The following ASH1L variants were observed in gnomAD, a reference collection of about 807,000 sequenced individuals.
The protein encoded by ASH1L is histone-lysine N-methyltransferase ASH1L.
A neutral mutation model predicts 269.0 loss-of-function variants in ASH1L; 23 were observed. The ratio of observed to expected loss-of-function variants is 0.09; its 90% confidence interval spans 0.06 to 0.12. The LOEUF (loss-of-function observed/expected upper bound fraction) is 0.12. Ranked by LOEUF, ASH1L falls within the 10% of genes least tolerant of loss-of-function variation. The pLI, the probability that ASH1L is intolerant of heterozygous loss-of-function variation, is 1.00. For missense variants in ASH1L, 2,912 were observed against 3,567.8 expected (o/e 0.82, Z 4.68); for synonymous variants, 1,187 against 1,253.5 (o/e 0.95, Z 1.12).
intron 24 of ASH1L, among the ~76,000 whole-genome samples, chr1:155,342,694 A>T (rs971504960): frequency 1.3e-5 from 2 of 152,144 alleles, no homozygotes; most frequent in Non-Finnish European, 2.9e-5. Context: ...TCTTTTAAGA[A>T]CTCTTTAAAA....
At chr1:155,559,849 C>T (rs1671840098) in intron 1 of ASH1L, among the ~76,000 whole-genome samples, 1 of 152,100 alleles carries the variant, frequency 6.6e-6, no homozygotes, top group Admixed American at 6.6e-5. Flanking sequence ...AACTCCAAGA[C>T]AGGAGCTTCA....
intron 2 of ASH1L, among the ~76,000 whole-genome samples, chr1:155,517,103 T>C (rs1668545053): frequency 6.6e-6 from 1 of 152,186 alleles, no homozygotes; most frequent in African/African-American, 2.4e-5. Context: ...AACCCCATCC[T>C]AAAATCCATA....
intron 20 of ASH1L, 45 bp downstream of exon 20, chr1:155,347,611 C>T (rs149185777): frequency 1.2e-5 from 19 of 1,606,828 alleles, no homozygotes; most frequent in African/African-American, 2.7e-5. Flanking sequence ...ATATGGTCAC[C>T]GTGTTCATCA....
At chr1:155,373,211 TAAAAAAAAAAC>T (rs1308538813) in intron 10 of ASH1L, among the ~76,000 whole-genome samples, 158 of 112,704 alleles carry the variant, frequency 1.4e-3, no homozygotes, top group African/African-American at 4.4e-3. Flanking sequence ...AGGCTCTGTC[TAAAAAAAAAAC>T]AAAAAAAAAA....
Position 155,478,933 on chromosome 1 carries a change from G to C in ASH1L, c.3937C>G (p.Arg1313Gly), listed in dbSNP as rs757577741. ...CGAAAGATAGTTGGCAGAAGATCTCGGGGGATAAAATGATGACTTCGATGA... is the reference window on the plus strand; with the variant it reads ...CGAAAGATAGTTGGCAGAAGATCTCCGGGGATAAAATGATGACTTCGATGA... ...ITHRSHHFIP[R>G]DLLPTIFRIN... Residue 1313 changes from arginine (R) to glycine (G), a missense_variant, in exon 3 of 28, where the codon CGA becomes GGA. Coordinates refer to ENST00000392403, the MANE Select transcript of ASH1L (RefSeq NM_018489.3). The surrounding 1 kb of genome is among the most constrained non-coding windows in gnomAD (Gnocchi z 4.6). 1.2e-6 allele frequency: 2 copies of C among 1,613,902 alleles called. No individual in the cohort carries two copies. The highest frequency in any genetic ancestry group is 1.7e-6 in the Non-Finnish European group (2 of 1,179,998).
chr1:155,471,187 A>ACAATTAAC (rs1430136236), intron 3 of ASH1L, among the ~76,000 whole-genome samples: 3 of 152,228 alleles, frequency 2.0e-5, no homozygotes, highest in Non-Finnish European at 4.4e-5. Context: ...AAGATAGAGA[A>ACAATTAAC]CAATTAACAA....
intron 2 of ASH1L, among the ~76,000 whole-genome samples, chr1:155,505,933 C>T (rs1319002772): frequency 6.6e-6 from 1 of 152,132 alleles, no homozygotes; most frequent in African/African-American, 2.4e-5. Context: ...TGGTGTGCTG[C>T]ACCCATTAAC....
At chr1:155,387,510 G>A (rs766235615) in intron 7 of ASH1L, among the ~76,000 whole-genome samples, 1 of 152,144 alleles carries the variant, frequency 6.6e-6, no homozygotes, top group Non-Finnish European at 1.5e-5. Context: ...TCTTGTATCA[G>A]TACCATGCTG....
At position 155,357,613 on chromosome 1, in the gene ASH1L, C is replaced by T. The variant is rs771856597; in HGVS notation, c.6932G>A (p.Arg2311Lys). 5 of 1,613,992 alleles carry T rather than the reference C, an allele frequency of 3.1e-6. No individual in the cohort carries two copies. The highest frequency in any genetic ancestry group is 4.2e-6 in the Non-Finnish European group (5 of 1,180,018). The change falls in exon 14 of 28, where the codon AGA becomes AAA. Residue 2311 changes from arginine to lysine, a missense_variant. By Grantham distance (26) the Arg-to-Lys change is conservative. Coordinates refer to ENST00000392403, the MANE Select transcript of ASH1L (RefSeq NM_018489.3). ...HKKSGRSKEK[R>K]KSKHKLKKRR... ...TTTCTTCAGCTTGTGCTTAGACTTTCTCTTCTCTTTTGACCGTCCAGATTT... is the reference window on the plus strand; with the variant it reads ...TTTCTTCAGCTTGTGCTTAGACTTTTTCTTCTCTTTTGACCGTCCAGATTT...
intron 17 of ASH1L, among the ~76,000 whole-genome samples, chr1:155,352,035 C>T (rs1381160717): frequency 6.6e-6 from 1 of 151,472 alleles, no homozygotes; most frequent in Non-Finnish European, 1.5e-5. Flanking sequence ...GGTGAGGGGC[C>T]ACTTCTCATT....
chr1:155,425,940 G>A (rs986620129), intron 5 of ASH1L, among the ~76,000 whole-genome samples: 15 of 150,896 alleles, frequency 9.9e-5, no homozygotes, highest in African/African-American at 3.6e-4. Flanking sequence ...CCAGGCTGCA[G>A]TGCAGTGGCG....
In ASH1L at chr1:155,415,984, G is replaced by A. The variant is rs969588288; in HGVS notation, c.5829-61C>T. 2.6e-5 allele frequency: 34 copies of A among 1,285,966 alleles called. No homozygotes were observed. The Admixed American group carries it at 4.0e-4, about 15-fold the overall frequency. 79.7% of individuals were successfully genotyped at this position (1,285,966 alleles called of 1,614,324 possible). The stretch of plus-strand genomic sequence containing the variant: ...AAAAAAAGTTTTCCTACAAATAATT[G>A]TCTACTTAAAAAAAAAAAACCATAG... On this transcript the variant is annotated intron_variant, in intron 5 of 27. Coordinates refer to ENST00000392403, the MANE Select transcript of ASH1L (RefSeq NM_018489.3).
intron 6 of ASH1L, among the ~76,000 whole-genome samples, chr1:155,397,816 C>T (rs757306510): frequency 4.1e-4 from 63 of 152,182 alleles, no homozygotes; most frequent in Non-Finnish European, 7.8e-4. Flanking sequence ...CTTGCCTCAG[C>T]TCCCAAAGTC....
Position 155,562,564 on chromosome 1 carries a change from G to A in ASH1L, c.-511C>T, listed in dbSNP as rs1244870229. 5 of 1,527,652 alleles carry A rather than the reference G, an allele frequency of 3.3e-6. No individual in the cohort carries two copies. The highest frequency in any genetic ancestry group is 2.4e-5 in the South Asian group (2 of 83,746). 94.6% of individuals were successfully genotyped at this position (1,527,652 alleles called of 1,614,324 possible). A position where few individuals can be genotyped will look rare whatever the true frequency, so the allele number is the denominator to read the frequency against. ...CTTGCGTTCTTTCCCACCGTCCCCC[G>A]CTCCGCCCGACTCCGTCCGCGTAGC... On this transcript the variant is annotated 5_prime_UTR_variant, in exon 1 of 28. Coordinates refer to ENST00000392403, the MANE Select transcript of ASH1L (RefSeq NM_018489.3).
At chr1:155,361,872 CAAA>C (rs771879733) in intron 12 of ASH1L, among the ~76,000 whole-genome samples, 2 of 58,688 alleles carry the variant, frequency 3.4e-5, no homozygotes, top group Non-Finnish European at 7.6e-5. Context: ...GACTCCGTCT[CAAA>C]AAAAAAAAAA....
At chr1:155,543,586 A>G (rs1670591193) in intron 1 of ASH1L, among the ~76,000 whole-genome samples, 1 of 151,738 alleles carries the variant, frequency 6.6e-6, no homozygotes, top group Admixed American at 6.6e-5. Context: ...ATATGTTGAC[A>G]TAACTGGATA....
At chr1:155,529,164 G>C (rs150510210) in intron 1 of ASH1L, among the ~76,000 whole-genome samples, 1 of 152,046 alleles carries the variant, frequency 6.6e-6, no homozygotes, top group African/African-American at 2.4e-5. Context: ...ATGAAGATAC[G>C]CATGCATCTG....
intron 5 of ASH1L, chr1:155,433,457 T>A: frequency 6.2e-7 from 1 of 1,610,452 alleles, no homozygotes; most frequent in Non-Finnish European, 8.5e-7. Context: ...CTTGGAGACC[T>A]CTCAGCCTGA....
At chr1:155,434,689 A>G (rs1355969412) in intron 5 of ASH1L, among the ~76,000 whole-genome samples, 1 of 151,936 alleles carries the variant, frequency 6.6e-6, no homozygotes, top group African/African-American at 2.4e-5. Flanking sequence ...CGTCTCTACT[A>G]AAAATACAAA....
Sources: gnomAD v4.1 joint callset for allele counts (sites outside exome capture counted in the v4.1 genomes callset) on GRCh38, gnomAD v4.1.1 for gene constraint, Gnocchi (gnomAD v3.1) non-coding constraint, MANE v1.5 for transcripts, NCBI Gene and HGNC (gene_info 2026-07-23, HGNC 2026-07-21) for gene names.